CDO1: variants seen among roughly 807,000 people sequenced by gnomAD.
CDO1 encodes the protein cysteine dioxygenase, type I.
A neutral mutation model predicts 24.5 loss-of-function variants in CDO1; 19 were observed. That is an observed-to-expected ratio of 0.77 (90% CI 0.54 to 1.14). The LOEUF is 1.14. Among genes scored for constraint, CDO1 ranks in the 50% most tolerant of loss-of-function variants. The pLI is 0.00. For missense variants in CDO1, 244 were observed against 244.8 expected, an observed-to-expected ratio of 1.00 and a Z score of 0.02; for synonymous variants, 91 against 87.0, an observed-to-expected ratio of 1.05 and a Z score of -0.26.
At chr5:115,816,194 G>A (rs1357711305) in intron 1 of CDO1, 34 bp downstream of exon 1, 1 of 1,598,370 alleles carries the variant, frequency 6.3e-7, no homozygotes, top group Non-Finnish European at 8.5e-7. Flanking sequence ...GGGCGAGTGG[G>A]CGCCGCCTGG....
At chr5:115,815,412 CTTTAA>C (rs2112697197) in intron 1 of CDO1, among the ~76,000 whole-genome samples, 1 of 151,760 alleles carries the variant, frequency 6.6e-6, no homozygotes, top group East Asian at 2.0e-4. Flanking sequence ...AAGTAGGGGT[CTTTAA>C]TTTACATTAC....
chr5:115,806,537 G>A lies in CDO1; in HGVS notation c.404-19C>T. 1.3e-6 allele frequency: 2 copies of A among 1,588,492 alleles called. No individual in the cohort carries two copies. Among genetic ancestry groups the A allele is most frequent in the Non-Finnish European group, 1.7e-6 (2 of 1,170,446 alleles). ...ATGGAATCTAAACAATATCCGGGAAGGAAAAATAGATAAAGGAGCCTAGAT... is the reference window on the plus strand; with the variant it reads ...ATGGAATCTAAACAATATCCGGGAAAGAAAAATAGATAAAGGAGCCTAGAT... On this transcript the variant is annotated intron_variant, in intron 3 of 4. Transcript: ENST00000250535.
At chr5:115,811,757 A>G (rs1376905850) in intron 2 of CDO1, among the ~76,000 whole-genome samples, 1 of 152,212 alleles carries the variant, frequency 6.6e-6, no homozygotes, top group East Asian at 1.9e-4. Context: ...TCCACTTAAC[A>G]TTTAATGTTT....
Position 115,816,442 on chromosome 5 carries a change from GT to G in CDO1, c.-46del, listed in dbSNP as rs1446341329. The G allele has an allele frequency of 6.2e-7, 1 of 1,602,820 alleles. No individual in the cohort carries two copies. Among genetic ancestry groups the G allele is most frequent in the Non-Finnish European group, 8.5e-7 (1 of 1,177,158 alleles). On this transcript the variant is annotated 5_prime_UTR_variant, in exon 1 of 5. Coordinates refer to ENST00000250535, the MANE Select transcript of CDO1 (RefSeq NM_001801.3). The stretch of plus-strand genomic sequence containing the variant: ...GCGCGCGTCTCACTGCTGGGCTGCG[GT>G]GGAGGAGCTGAGCGAGCCAAGGAGC...
intron 1 of CDO1, 139 bp downstream of exon 1, chr5:115,816,081 CGCGGCTGG>C: frequency 1.5e-6 from 1 of 680,750 alleles, no homozygotes. Context: ...GTGCCAGCCC[CGCGGCTGG>C]CCAGCGAGGG....
At chr5:115,807,698 G>T (rs1426745244) in intron 3 of CDO1, among the ~76,000 whole-genome samples, 1 of 151,266 alleles carries the variant, frequency 6.6e-6, no homozygotes, top group Admixed American at 6.6e-5. Flanking sequence ...AAGAGGAACA[G>T]TTCAAGAGGT....
intron 1 of CDO1, among the ~76,000 whole-genome samples, chr5:115,813,619 ATTGTT>A (rs1426878268): frequency 7.5e-6 from 1 of 133,928 alleles, no homozygotes; most frequent in East Asian, 2.1e-4. Flanking sequence ...GAATGTTGCT[ATTGTT>A]TTTTTTTTTT....
At position 115,811,177 on chromosome 5, in the gene CDO1, C is replaced by T. The variant is rs1204099743; in HGVS notation, c.387G>A (p.Gln129=). The part of the protein sequence containing the change: ...KKSERVLREN[Q]CAYINDSIGL... The stretch of plus-strand genomic sequence containing the variant: ...AGATGTTACCATTGATGTAGGCACA[C>T]TGGTTTTCCCTCAAGACTCTTTCAG... The change falls in exon 3 of 5, where the codon CAG becomes CAA. Residue 129 remains glutamine (Q), a synonymous_variant. Coordinates refer to ENST00000250535, the MANE Select transcript of CDO1 (RefSeq NM_001801.3). 3 of 1,613,530 alleles carry T rather than the reference C, an allele frequency of 1.9e-6. No individual in the cohort carries two copies. Among genetic ancestry groups the T allele is most frequent in the Non-Finnish European group, 8.5e-7 (1 of 1,179,704 alleles).
At chr5:115,815,752 C>T (rs1760403076) in intron 1 of CDO1, among the ~76,000 whole-genome samples, 1 of 152,178 alleles carries the variant, frequency 6.6e-6, no homozygotes, top group Admixed American at 6.5e-5. Context: ...TAGTGCTCCC[C>T]TGGGAGCACC....
intron 3 of CDO1, 96 bp downstream of exon 3, chr5:115,811,065 C>A: frequency 8.9e-7 from 1 of 1,117,320 alleles, no homozygotes. Context: ...GACTCATGAT[C>A]CAGGTTCTAC....
chr5:115,815,184 T>C (rs1760374257), intron 1 of CDO1, among the ~76,000 whole-genome samples: 1 of 152,224 alleles, frequency 6.6e-6, no homozygotes, highest in Non-Finnish European at 1.5e-5. Flanking sequence ...TCTTTCCTTA[T>C]TCTTTTCTTT....
At chr5:115,814,408 G>T (rs1332484131) in intron 1 of CDO1, 2 of 152,132 alleles carry the variant, frequency 1.3e-5, no homozygotes, top group African/African-American at 4.8e-5. Flanking sequence ...GGCCCACACG[G>T]GAGCATATTC....
chr5:115,812,993 G>A (rs757120337), intron 2 of CDO1, among the ~76,000 whole-genome samples, 188 bp downstream of exon 2: 2 of 142,972 alleles, frequency 1.4e-5, no homozygotes, highest in Non-Finnish European at 3.0e-5. Context: ...GTTGCAGTGA[G>A]CTGAGATCAT....
Position 115,805,034 on chromosome 5 carries a change from T to C in CDO1, c.*399A>G, listed in dbSNP as rs1170241293. On this transcript the variant is annotated 3_prime_UTR_variant, in exon 5 of 5. Coordinates refer to ENST00000250535, the MANE Select transcript of CDO1 (RefSeq NM_001801.3). ...GTATACTAAAGACATCTACATTTAG[T>C]CCTCCAGGTAACAAAGCAAACATTT... 2 of 168,064 alleles carry C rather than the reference T, an allele frequency of 1.2e-5. No individual in the cohort carries two copies. Among genetic ancestry groups the C allele is most frequent in the African/African-American group, 4.8e-5 (2 of 42,028 alleles). The allele number at this position is 168,064 out of a possible 1,614,324, so 10.4% of individuals were successfully genotyped here.
At chr5:115,812,436 T>G (rs1369917403) in intron 2 of CDO1, among the ~76,000 whole-genome samples, 1 of 152,214 alleles carries the variant, frequency 6.6e-6, no homozygotes, top group African/African-American at 2.4e-5. Flanking sequence ...GTAAAGAAAC[T>G]AAAGAATTAA....
chr5:115,807,956 C>G (rs1162827449), intron 3 of CDO1, among the ~76,000 whole-genome samples: 2 of 151,270 alleles, frequency 1.3e-5, no homozygotes, highest in Admixed American at 1.3e-4. Context: ...ATTCAAAAAT[C>G]AGAATGGGAC....
At position 115,805,445 on chromosome 5, in the gene CDO1, C is replaced by A. The variant is rs1759903606; in HGVS notation, c.591G>T (p.Leu197=). Residue 197 remains leucine, a synonymous_variant, in exon 5 of 5, where the codon CTG becomes CTT. Coordinates refer to ENST00000250535, the MANE Select transcript of CDO1 (RefSeq NM_001801.3). ...IRTPNATSGS[L]ENN ...GGTTTGGTGCCCCTTAGTTGTTCTCCAGCGAGCCCGAAGTTGCCTGTAAAA... is the reference window on the plus strand; with the variant it reads ...GGTTTGGTGCCCCTTAGTTGTTCTCAAGCGAGCCCGAAGTTGCCTGTAAAA... 6.2e-7 allele frequency: 1 copy of A among 1,613,774 alleles called. No individual in the cohort carries two copies. Among genetic ancestry groups the A allele is most frequent in the African/African-American group, 1.3e-5 (1 of 74,868 alleles).
At chr5:115,815,751 C>G (rs2112698063) in intron 1 of CDO1, among the ~76,000 whole-genome samples, 1 of 152,272 alleles carries the variant, frequency 6.6e-6, no homozygotes, top group African/African-American at 2.4e-5. Flanking sequence ...GTAGTGCTCC[C>G]CTGGGAGCAC....
chr5:115,807,765 C>T (rs1760010703), intron 3 of CDO1, among the ~76,000 whole-genome samples: 3 of 151,160 alleles, frequency 2.0e-5, no homozygotes, highest in African/African-American at 7.3e-5. Flanking sequence ...AAAGAAATAA[C>T]CTGTTAATGT....
Sources: allele counts gnomAD v4.1 joint callset (sites outside exome capture counted in the v4.1 genomes callset), GRCh38; gene constraint gnomAD v4.1.1; transcripts MANE v1.5; gene names NCBI Gene and HGNC (gene_info 2026-07-23, HGNC 2026-07-21).